ANO1: variants seen among roughly 807,000 people sequenced by gnomAD.
ANO1 encodes the protein anoctamin-1.
A neutral mutation model predicts 124.0 loss-of-function variants in ANO1; 59 were observed. The ratio of observed to expected loss-of-function variants is 0.48; its 90% CI spans 0.39 to 0.59. ANO1 has a LOEUF of 0.59. Among genes scored for constraint, ANO1 ranks in the 20% least tolerant of loss-of-function variants. ANO1 has a pLI of 0.00. For synonymous variants in ANO1, 529 were observed against 532.0 expected (o/e 0.99, Z 0.08); for missense variants, 1,059 against 1,328.0 (o/e 0.80, Z 3.15).
chr11:70,111,713 C>T lies in ANO1; in HGVS notation c.806C>T (p.Thr269Met), dbSNP rs777878499. 11 of 1,613,904 alleles carry T rather than the reference C, an allele frequency of 6.8e-6. No individual in the cohort carries two copies. The highest frequency in any genetic ancestry group is 2.2e-5 in the East Asian group (1 of 44,906). ...CTKAKYSMGI[T>M]SLLANGVYAA... ...CTCTGCCTCTGTTTTTAAGGCATCA[C>T]GAGCCTGCTGGCCAATGGTGTGTAC... Residue 269 changes from threonine (T) to methionine (M), a missense_variant, in exon 7 of 26, where the codon ACG becomes ATG. This residue lies in a region of ANO1 where 809 missense variants were observed against 1,094.9 expected (regional missense o/e 0.74). Transcript: ENST00000355303.
At chr11:69,976,790 G>A in the ANO1 span, among the ~76,000 whole-genome samples, 1 of 152,226 alleles carries the variant, frequency 6.6e-6, no homozygotes, top group Non-Finnish European at 1.5e-5. Flanking sequence ...CAGAGCCCCT[G>A]CAGAGAGAGT....
chr11:70,119,384 G>A (rs1412070081), intron 8 of ANO1, among the ~76,000 whole-genome samples: 1 of 151,260 alleles, frequency 6.6e-6, no homozygotes, highest in East Asian at 2.0e-4. Context: ...TGGATGGGTT[G>A]ATGGATGATG....
chr11:70,013,459 T>C (rs1443232717), intron 1 of ANO1, among the ~76,000 whole-genome samples: 1 of 152,104 alleles, frequency 6.6e-6, no homozygotes, highest in Non-Finnish European at 1.5e-5. Flanking sequence ...GCATACATTA[T>C]TGGTCATCGA....
Position 70,149,476 on chromosome 11 carries a change from C to A in ANO1, c.1259-234C>A, listed in dbSNP as rs1448922995. 10 of 473,736 alleles carry A rather than the reference C, an allele frequency of 2.1e-5. No homozygotes were observed. In the East Asian group the frequency reaches 4.1e-4, roughly 20 times the overall value. 29.3% of individuals were successfully genotyped at this position (473,736 alleles called of 1,614,324 possible). On this transcript the variant is annotated intron_variant, in intron 11 of 25. Transcript: ENST00000355303. ...GACCAGCCTGGCCAACATGGTGAAA[C>A]CCTGTCTCTACTAAAAATACAAAGA...
At chr11:70,144,301 C>A (rs1590848670) in intron 11 of ANO1, among the ~76,000 whole-genome samples, 2 of 152,216 alleles carry the variant, frequency 1.3e-5, no homozygotes, top group East Asian at 1.9e-4. Context: ...AGATGCGGGC[C>A]CTGCCCTGAG....
At chr11:70,145,962 A>AAAG (rs1565247209) in intron 11 of ANO1, among the ~76,000 whole-genome samples, 3 of 131,990 alleles carry the variant, frequency 2.3e-5, no homozygotes, top group African/African-American at 8.0e-5. Context: ...AAAAAAAAAA[A>AAAG]AAAGAAAGAA....
At chr11:70,029,708 C>T (rs1465031857) in intron 1 of ANO1, among the ~76,000 whole-genome samples, 2 of 152,182 alleles carry the variant, frequency 1.3e-5, no homozygotes, top group African/African-American at 4.8e-5. Context: ...TGTGTTCTCC[C>T]ACGGTTCTGG....
At position 70,087,917 on chromosome 11, in the gene ANO1, G is replaced by A. The variant is rs757742384; in HGVS notation, c.274G>A (p.Ala92Thr). 30 of 1,609,328 alleles carry A rather than the reference G, an allele frequency of 1.9e-5. 1 individual carries two copies. The South Asian group carries it at 3.3e-4, about 18-fold the overall frequency. The stretch of plus-strand genomic sequence containing the variant: ...GCAGCACAGCGACACCCCCTCTGGG[G>A]CTCGCAGCGTCAAGCAGGACCACCC... ...RVQHSDTPSG[A>T]RSVKQDHPLP... The change falls in exon 2 of 26, where the codon GCT (alanine) becomes ACT (threonine). Residue 92 changes from alanine to threonine, a missense_variant. Ala to Thr is a moderately conservative substitution (Grantham distance 58). Transcript: ENST00000355303.
intron 22 of ANO1, among the ~76,000 whole-genome samples, chr11:70,179,525 C>T (rs899534109): frequency 1.3e-5 from 2 of 152,204 alleles, no homozygotes; most frequent in African/African-American, 2.4e-5. Flanking sequence ...AGATAGGGAA[C>T]GGTTCAACCT....
rs1282850503 is a variant in ANO1 at position 70,187,875 on chromosome 11, G to T, written c.2832G>T (p.Leu944=). The change falls in exon 26 of 26, where the codon CTG becomes CTT. Residue 944 remains leucine (L), a synonymous_variant. Transcript: ENST00000355303. ...FMREEQDKQQ[L]LETWMEKERQ... ...GGGAGGAGCAAGACAAGCAGCAGCT[G>T]CTGGAAACCTGGATGGAGAAGGAGC... 1.2e-6 allele frequency: 2 copies of T among 1,605,696 alleles called. No individual in the cohort carries two copies. The highest frequency in any genetic ancestry group is 1.7e-6 in the Non-Finnish European group (2 of 1,176,532).
chr11:70,184,179 A>G (rs1168036737), intron 24 of ANO1, among the ~76,000 whole-genome samples: 1 of 152,186 alleles, frequency 6.6e-6, no homozygotes, highest in Admixed American at 6.5e-5. Flanking sequence ...AGCTTTTCCA[A>G]TGCAGGGTGG....
chr11:70,068,255 TGTCC>T (rs1475994046), intron 1 of ANO1, among the ~76,000 whole-genome samples: 1 of 152,218 alleles, frequency 6.6e-6, no homozygotes, highest in Non-Finnish European at 1.5e-5. Flanking sequence ...AAGAGGCAAG[TGTCC>T]GTGCAGGGGT....
chr11:70,125,768 C>G (rs1469320547), intron 9 of ANO1, among the ~76,000 whole-genome samples: 2 of 148,690 alleles, frequency 1.3e-5, no homozygotes, highest in African/African-American at 2.5e-5. Context: ...GGCGTGAACG[C>G]GGGAGGTGGA....
intron 1 of ANO1, among the ~76,000 whole-genome samples, chr11:70,033,167 G>A (rs935736503): frequency 2.0e-5 from 3 of 152,132 alleles, no homozygotes; most frequent in African/African-American, 2.4e-5. Context: ...TTCACGGGGC[G>A]GTTTCACTTG....
At chr11:70,067,926 CT>C (rs1857772138) in intron 1 of ANO1, among the ~76,000 whole-genome samples, 1 of 152,268 alleles carries the variant, frequency 6.6e-6, no homozygotes, top group Non-Finnish European at 1.5e-5. Context: ...AGATTTCTGA[CT>C]TCCTGGCAGA....
At chr11:70,064,353 G>A (rs1015659732) in intron 1 of ANO1, 1 of 152,428 alleles carries the variant, frequency 6.6e-6, no homozygotes, top group East Asian at 1.9e-4. Context: ...CATCTCCAAA[G>A]GCCAGACGCT....
chr11:70,157,696 A>G (rs1460365578), intron 16 of ANO1, among the ~76,000 whole-genome samples: 2 of 152,138 alleles, frequency 1.3e-5, no homozygotes, highest in Non-Finnish European at 2.9e-5. Flanking sequence ...ACTTTTTAAG[A>G]AAACCATTAA....
At chr11:70,070,908 G>A (rs1284031424) in intron 1 of ANO1, among the ~76,000 whole-genome samples, 1 of 152,184 alleles carries the variant, frequency 6.6e-6, no homozygotes, top group Non-Finnish European at 1.5e-5. Flanking sequence ...TGCTCGTGGA[G>A]GGCATCTGCG....
upstream of ANO1, among the ~76,000 whole-genome samples, chr11:69,983,657 C>T (rs782103604): frequency 1.3e-5 from 2 of 152,228 alleles, no homozygotes; most frequent in Non-Finnish European, 1.5e-5. Flanking sequence ...ATCACTATCA[C>T]GTGATGCCAC....
Sources: allele counts gnomAD v4.1 joint callset (sites outside exome capture counted in the v4.1 genomes callset), GRCh38; gene constraint gnomAD v4.1.1; regional missense constraint gnomAD v4.1.1; transcripts MANE v1.5; gene names NCBI Gene and HGNC (gene_info 2026-07-23, HGNC 2026-07-21).